MBNL2: variants seen among roughly 807,000 people sequenced by gnomAD.
MBNL2 encodes the protein muscleblind-like protein 2.
A neutral mutation model predicts 41.9 loss-of-function variants in MBNL2; 17 were observed. That is an observed-to-expected ratio of 0.41 (90% confidence interval 0.28 to 0.61). The LOEUF is 0.61. Ranked by LOEUF, MBNL2 falls within the 20% of genes least tolerant of loss-of-function variation. The pLI, the probability that MBNL2 is intolerant of heterozygous loss-of-function variation, is 0.35. For missense variants in MBNL2, 336 were observed against 505.6 expected, an observed-to-expected ratio of 0.66 and a Z score of 3.22; for synonymous variants, 195 against 182.9, an observed-to-expected ratio of 1.07 and a Z score of -0.53.
At chr13:97,287,936 TTTG>T (rs1339956503) in intron 2 of MBNL2, among the ~76,000 whole-genome samples, 13 of 81,376 alleles carry the variant, frequency 1.6e-4, no homozygotes, top group Admixed American at 3.9e-4. Context: ...TTTGTTTTGT[TTTG>T]TTTTTTTTTT....
At chr13:97,303,765 T>G (rs762566360) in intron 2 of MBNL2, among the ~76,000 whole-genome samples, 3 of 152,154 alleles carry the variant, frequency 2.0e-5, no homozygotes, top group Non-Finnish European at 2.9e-5. Flanking sequence ...AGAAAAATAA[T>G]AATAATGTAG....
intron 2 of MBNL2, among the ~76,000 whole-genome samples, chr13:97,333,350 C>G (rs1005031378): frequency 1.3e-5 from 2 of 152,208 alleles, no homozygotes; most frequent in Non-Finnish European, 1.5e-5. Flanking sequence ...CCCTTCCAGA[C>G]TGGTTTTATG....
chr13:97,340,117 A>G lies in MBNL2; in HGVS notation c.340-2899A>G, dbSNP rs1422346082. Among the ~76,000 whole-genome samples, 3 of 152,214 alleles carry G rather than the reference A, an allele frequency of 2.0e-5. No homozygotes were observed. The South Asian group carries it at 6.2e-4, about 32-fold the overall frequency. ...TCTCATGGATTTGAGAAGATTAAAG[A>G]AGACAAGTGTGAGAATGCCTTGAGA... On this transcript the variant is annotated intron_variant, in intron 3 of 8. Transcript: ENST00000679496.
At chr13:97,329,314 A>T (rs1353867512) in intron 2 of MBNL2, among the ~76,000 whole-genome samples, 2 of 152,178 alleles carry the variant, frequency 1.3e-5, no homozygotes, top group African/African-American at 4.8e-5. Flanking sequence ...TCTCCAAACA[A>T]TATAAACTAT....
At chr13:97,287,042 A>T (rs999054627) in intron 2 of MBNL2, among the ~76,000 whole-genome samples, 7 of 152,324 alleles carry the variant, frequency 4.6e-5, no homozygotes, top group African/African-American at 1.7e-4. Context: ...ATAAAATTCA[A>T]ATCGCTTTTC....
chr13:97,145,912 T>G, the MBNL2 span, among the ~76,000 whole-genome samples: 2 of 152,276 alleles, frequency 1.3e-5, no homozygotes, highest in Admixed American at 1.3e-4. Flanking sequence ...ATTGGATGTG[T>G]ATAGCAGGCT....
chr13:97,382,095 G>A (rs1442903842), intron 8 of MBNL2, among the ~76,000 whole-genome samples: 1 of 152,124 alleles, frequency 6.6e-6, no homozygotes, highest in Non-Finnish European at 1.5e-5. Flanking sequence ...TATTTTCTTA[G>A]TGTGTCCCAC....
chr13:97,383,059 T>C (rs1362062286), intron 8 of MBNL2, among the ~76,000 whole-genome samples: 3 of 152,208 alleles, frequency 2.0e-5, no homozygotes, highest in African/African-American at 7.2e-5. Context: ...CATGCCTCTT[T>C]ACCTTCATCC....
At chr13:97,286,092 A>G (rs1231669023) in intron 2 of MBNL2, among the ~76,000 whole-genome samples, 1 of 152,194 alleles carries the variant, frequency 6.6e-6, no homozygotes, top group Admixed American at 6.5e-5. Flanking sequence ...TAGATGCTAA[A>G]TATTTCTTAA....
chr13:97,291,132 A>T (rs2055861333), intron 2 of MBNL2, among the ~76,000 whole-genome samples: 2 of 152,170 alleles, frequency 1.3e-5, no homozygotes, highest in Admixed American at 6.5e-5. Context: ...GTGGTTGGTT[A>T]AAAAAAGCCT....
chr13:97,286,284 T>A (rs983908111), intron 2 of MBNL2, among the ~76,000 whole-genome samples: 25 of 152,212 alleles, frequency 1.6e-4, no homozygotes, highest in Admixed American at 5.2e-4. Context: ...GATGGTACAA[T>A]TCCTTGGGTG....
At chr13:97,344,548 C>T (rs1382651663) in intron 4 of MBNL2, among the ~76,000 whole-genome samples, 4 of 152,166 alleles carry the variant, frequency 2.6e-5, no homozygotes, top group African/African-American at 9.7e-5. Context: ...TTTTAAAACT[C>T]AGAATTTCAA....
At chr13:97,149,463 C>A in the MBNL2 span, among the ~76,000 whole-genome samples, 2 of 152,110 alleles carry the variant, frequency 1.3e-5, no homozygotes, top group South Asian at 4.2e-4. Flanking sequence ...TCACAAGTAG[C>A]CACCTTGGTA....
chr13:97,235,290 A>C (rs552953744), intron 1 of MBNL2, among the ~76,000 whole-genome samples: 1 of 152,154 alleles, frequency 6.6e-6, no homozygotes, highest in Non-Finnish European at 1.5e-5. Flanking sequence ...CCAGGCCAAA[A>C]ATTTGCATTT....
rs2061884201 is a variant in MBNL2 at position 97,346,485 on chromosome 13, A to T, written c.541-319A>T. On this transcript the variant is annotated intron_variant, in intron 4 of 8. Transcript: ENST00000679496. This position sits in a 1 kb window ranked among gnomAD's most constrained non-coding sequence, Gnocchi z 4.2. The stretch of plus-strand genomic sequence containing the variant: ...GATGGATAGACAGACAGACAGATCG[A>T]TAGACAGCTGCATAATATGCTACCC... Among the ~76,000 whole-genome samples the T allele has an allele frequency of 6.6e-6, 1 of 152,244 alleles. No individual in the cohort carries two copies. The highest frequency in any genetic ancestry group is 2.1e-4 in the South Asian group (1 of 4,830).
chr13:97,157,159 G>A, the MBNL2 span, among the ~76,000 whole-genome samples: 617 of 148,052 alleles, frequency 4.2e-3, 5 homozygotes, highest in African/African-American at 0.015. Context: ...TGAAGCAATT[G>A]TGAATGGGAG....
the MBNL2 span, among the ~76,000 whole-genome samples, chr13:97,159,888 T>A: frequency 3.3e-5 from 5 of 151,954 alleles, no homozygotes; most frequent in African/African-American, 9.6e-5. Context: ...GAGTTGCTCT[T>A]CTCAAGGAGT....
chr13:97,165,861 G>A, the MBNL2 span, among the ~76,000 whole-genome samples: 5 of 152,244 alleles, frequency 3.3e-5, no homozygotes, highest in African/African-American at 1.2e-4. Flanking sequence ...GACTGGCCAT[G>A]ACATGCAGAA....
At chr13:97,367,278 T>C (rs1358646736) in intron 8 of MBNL2, among the ~76,000 whole-genome samples, 2 of 152,228 alleles carry the variant, frequency 1.3e-5, no homozygotes, top group Non-Finnish European at 2.9e-5. Context: ...AAGCTGATTG[T>C]ATCCGTGACC....
Sources: gnomAD v4.1 joint callset for allele counts (sites outside exome capture counted in the v4.1 genomes callset) on GRCh38, gnomAD v4.1.1 for gene constraint, Gnocchi (gnomAD v3.1) non-coding constraint, MANE v1.5 for transcripts, NCBI Gene and HGNC (gene_info 2026-07-23, HGNC 2026-07-21) for gene names.